Variants in ARF3 observed in about 807,000 individuals in gnomAD.
ARF3 encodes the protein ADP-ribosylation factor 3.
Under a neutral mutation model 19.3 loss-of-function variants are expected in ARF3, and 5 were observed. The observed-to-expected ratio is 0.26, with a 90% CI of 0.14 to 0.54. ARF3 has a LOEUF of 0.54. Among genes scored for constraint, ARF3 ranks in the 20% least tolerant of loss-of-function variants. The pLI is 0.95. For missense variants in ARF3, 77 were observed against 234.2 expected, an observed-to-expected ratio of 0.33 and a Z score of 4.38; for synonymous variants, 71 against 89.2, an observed-to-expected ratio of 0.80 and a Z score of 1.15.
At chr12:48,950,944 C>G (rs531240178) in intron 1 of ARF3, among the ~76,000 whole-genome samples, 10 of 152,082 alleles carry the variant, frequency 6.6e-5, no homozygotes, top group Non-Finnish European at 1.2e-4. Context: ...CCTGCCACCA[C>G]GCCCGGCTAA....
chr12:48,941,244 A>G, intron 1 of ARF3, 56 bp from the exon 2 acceptor site: 3 of 962,144 alleles, frequency 3.1e-6, no homozygotes, highest in Admixed American at 5.3e-5. Flanking sequence ...ACTTCCAAGT[A>G]AATAGAATTT....
Position 48,937,912 on chromosome 12 carries a change from T to TTC in ARF3, c.*1033_*1034dup, listed in dbSNP as rs1038477044. 10 of 160,958 alleles carry TTC rather than the reference T, an allele frequency of 6.2e-5. No individual in the cohort carries two copies. Among genetic ancestry groups the TTC allele is most frequent in the African/African-American group, 2.4e-4 (10 of 41,692 alleles). The allele number at this position is 160,958 out of a possible 1,614,324, so 10.0% of individuals were successfully genotyped here. On this transcript the variant is annotated 3_prime_UTR_variant, in exon 5 of 5. Transcript: ENST00000256682. ...GAATGGGATTGGCCCATGCCTCACC[T>TTC]TCTCCTAATAACAAAAGAGAATGAA...
At chr12:48,948,286 A>C (rs1482828863) in intron 1 of ARF3, among the ~76,000 whole-genome samples, 1 of 149,574 alleles carries the variant, frequency 6.7e-6, no homozygotes, top group Admixed American at 6.6e-5. Context: ...TTTTTTTTTA[A>C]AGAGATGAGG....
rs1940210735 is a variant in ARF3, at chr12:48,939,352, G to A, written c.385-244C>T. ...CGAGGATGGTGGGGAAGCAAGAGACGTGATTCAGACTGACCAAAGAATCAG... is the reference window on the plus strand; with the variant it reads ...CGAGGATGGTGGGGAAGCAAGAGACATGATTCAGACTGACCAAAGAATCAG... On this transcript the variant is annotated intron_variant, in intron 4 of 4. Transcript: ENST00000256682. This position sits in a 1 kb window ranked among gnomAD's most constrained non-coding sequence, Gnocchi z 4.8. Among the ~76,000 whole-genome samples, 1 of 152,150 alleles carries A rather than the reference G, an allele frequency of 6.6e-6. No individual in the cohort carries two copies. The highest frequency in any genetic ancestry group is 2.4e-5 in the African/African-American group (1 of 41,442).
chr12:48,951,636 T>C (rs1022685844), intron 1 of ARF3, among the ~76,000 whole-genome samples: 2 of 151,868 alleles, frequency 1.3e-5, no homozygotes, highest in African/African-American at 2.4e-5. Flanking sequence ...TCCCAGCACA[T>C]TGGAAGGCCA....
chr12:48,948,270 C>CT (rs35020764), intron 1 of ARF3, among the ~76,000 whole-genome samples: 81,884 of 145,118 alleles, frequency 0.56, 23,005 homozygotes, highest in South Asian at 0.75. Context: ...TTTATATAAT[C>CT]TTTTTTTTTT....
At chr12:48,949,743 C>T (rs1940429572) in intron 1 of ARF3, among the ~76,000 whole-genome samples, 1 of 151,872 alleles carries the variant, frequency 6.6e-6, no homozygotes, top group Non-Finnish European at 1.5e-5. Flanking sequence ...CAAGGTCTTG[C>T]TATGTTACCC....
chr12:48,956,119 G>C (rs568380623), intron 1 of ARF3: 44 of 152,324 alleles, frequency 2.9e-4, no homozygotes, highest in African/African-American at 9.4e-4. Flanking sequence ...CAGGGAAGGA[G>C]GTATGCAGCG....
chr12:48,950,031 A>G (rs771641918), intron 1 of ARF3, among the ~76,000 whole-genome samples: 1 of 152,222 alleles, frequency 6.6e-6, no homozygotes, highest in Non-Finnish European at 1.5e-5. Context: ...TACAGTATCA[A>G]GCTGGTAAAC....
At chr12:48,948,024 G>A (rs1940389387) in intron 1 of ARF3, among the ~76,000 whole-genome samples, 1 of 150,304 alleles carries the variant, frequency 6.7e-6, no homozygotes, top group African/African-American at 2.5e-5. Flanking sequence ...TGGGCAACAT[G>A]GCAAAAGCCC....
At position 48,937,578 on chromosome 12, in the gene ARF3, C is replaced by T. The variant is rs1180977734; in HGVS notation, c.*1369G>A. On this transcript the variant is annotated 3_prime_UTR_variant, in exon 5 of 5. Coordinates refer to ENST00000256682, the MANE Select transcript of ARF3 (RefSeq NM_001659.3). ...ATTTCCTCCACTCTAACCCCCAGAT[C>T]CATTTATGAGAAGTGAGTGAGGATG... 1.3e-5 allele frequency: 2 copies of T among 152,386 alleles called. No homozygotes were observed. Among genetic ancestry groups the T allele is most frequent in the Non-Finnish European group, 2.9e-5 (2 of 68,070 alleles). The allele number at this position is 152,386 out of a possible 1,614,324, so 9.4% of individuals were successfully genotyped here. A position where few individuals can be genotyped will look rare whatever the true frequency, so the allele number is the denominator to read the frequency against.
chr12:48,956,621 C>A (rs1592246109), intron 1 of ARF3: 1 of 152,392 alleles, frequency 6.6e-6, no homozygotes, highest in East Asian at 1.9e-4. Flanking sequence ...CCCCGCTCCG[C>A]CTGGGGAGGA....
Position 48,939,789 on chromosome 12 carries a change from C to CAG in ARF3, c.260-12_260-11dup. On this transcript the variant is annotated splice_polypyrimidine_tract_variant and intron_variant, in intron 3 of 4. Coordinates refer to ENST00000256682, the MANE Select transcript of ARF3 (RefSeq NM_001659.3). The surrounding 1 kb of genome is among the most constrained non-coding windows in gnomAD (Gnocchi z 4.8). ...ACCACAAATATCAACCCTAGGAAGG[C>CAG]AGAGCATGGGCTGCACTAAGATGAC... The CAG allele has an allele frequency of 6.2e-7, 1 of 1,613,904 alleles. No homozygotes were observed.
At chr12:48,952,573 GA>G in intron 1 of ARF3, among the ~76,000 whole-genome samples, 1 of 152,098 alleles carries the variant, frequency 6.6e-6, no homozygotes, top group East Asian at 1.9e-4. Context: ...CAAAATCACT[GA>G]AAGTCCATCA....
chr12:48,949,204 G>A (rs1250308052), intron 1 of ARF3, among the ~76,000 whole-genome samples: 1 of 152,208 alleles, frequency 6.6e-6, no homozygotes, highest in Non-Finnish European at 1.5e-5. Flanking sequence ...AGATCTGAAG[G>A]TGAATATGTA....
At position 48,939,777 on chromosome 12, in the gene ARF3, A is replaced by G. The variant is rs1488079506; in HGVS notation, c.262T>C (p.Leu88=). Residue 88 remains leucine, a splice_region_variant and synonymous_variant, in exon 4 of 5, where the codon TTG becomes CTG. Transcript: ENST00000256682. This position sits in a 1 kb window ranked among gnomAD's most constrained non-coding sequence, Gnocchi z 4.8. ...WRHYFQNTQG[L]IFVVDSNDRE... is the part of the protein sequence containing the mutation. ...TCATTGCTGTCGACCACAAATATCA[A>G]CCCTAGGAAGGCAGAGCATGGGCTG... 1.2e-6 allele frequency: 2 copies of G among 1,613,876 alleles called. No individual in the cohort carries two copies. The highest frequency in any genetic ancestry group is 1.3e-5 in the African/African-American group (1 of 74,974).
chr12:48,951,322 A>G (rs1285266010), intron 1 of ARF3, among the ~76,000 whole-genome samples: 1 of 151,998 alleles, frequency 6.6e-6, no homozygotes, highest in Non-Finnish European at 1.5e-5. Flanking sequence ...GCACTTTGGG[A>G]GGCCAAGGTG....
At chr12:48,955,823 T>C (rs971143685) in intron 1 of ARF3, 2 of 152,196 alleles carry the variant, frequency 1.3e-5, no homozygotes, top group African/African-American at 4.8e-5. Flanking sequence ...AATTCTATGC[T>C]GGGAAACAGG....
rs1592238225 is a variant in ARF3, at chr12:48,938,893, T to C, written c.*54A>G. On this transcript the variant is annotated 3_prime_UTR_variant, in exon 5 of 5. Coordinates refer to ENST00000256682, the MANE Select transcript of ARF3 (RefSeq NM_001659.3). ...AGGAAGGGGTAGGACTGGGGCAGGG[T>C]GACAGTAGGTATGTCAGGGGTGGGT... 1 of 1,584,532 alleles carries C rather than the reference T, an allele frequency of 6.3e-7. No homozygotes were observed. The highest frequency in any genetic ancestry group is 8.6e-7 in the Non-Finnish European group (1 of 1,164,038).
Sources: gnomAD v4.1 joint callset for allele counts (sites outside exome capture counted in the v4.1 genomes callset) on GRCh38, gnomAD v4.1.1 for gene constraint, Gnocchi (gnomAD v3.1) non-coding constraint, MANE v1.5 for transcripts, NCBI Gene and HGNC (gene_info 2026-07-23, HGNC 2026-07-21) for gene names.